The following PCDH15 variants were observed in gnomAD, a reference collection of about 807,000 sequenced individuals.
The protein encoded by PCDH15 is protocadherin-15.
In PCDH15, 129 loss-of-function variants were observed where a neutral mutation model predicts 178.5. That is an observed-to-expected ratio of 0.72 (90% CI 0.63 to 0.84). The LOEUF (loss-of-function observed/expected upper bound fraction) is 0.84. Ranked by LOEUF, PCDH15 falls within the 40% of genes least tolerant of loss-of-function variation. PCDH15 has a pLI of 0.00. For synonymous variants in PCDH15, 800 were observed against 732.0 expected (o/e 1.09, Z -1.50); for missense variants, 2,230 against 2,099.9 (o/e 1.06, Z -1.21).
At chr10:54,496,114 C>G (rs773896785) in intron 3 of PCDH15, among the ~76,000 whole-genome samples, 1 of 152,058 alleles carries the variant, frequency 6.6e-6, no homozygotes, top group Non-Finnish European at 1.5e-5. Context: ...GTTTTTTACC[C>G]AAAACGGTGA....
At chr10:55,485,941 A>G (rs190145836) in intron 2 of PCDH15, among the ~76,000 whole-genome samples, 4 of 151,828 alleles carry the variant, frequency 2.6e-5, no homozygotes, top group Admixed American at 2.6e-4. Context: ...CCAATCCGTA[A>G]TAAAAATCCT....
At chr10:55,412,879 TCACACACACACACACA>T (rs71014485) in intron 2 of PCDH15, among the ~76,000 whole-genome samples, 1,751 of 134,818 alleles carry the variant, frequency 0.013, 46 homozygotes, top group African/African-American at 0.045. Flanking sequence ...TCAACAATAA[TCACACACACACACACA>T]CACACACACA....
chr10:55,062,490 T>C (rs1841457843), intron 2 of PCDH15, among the ~76,000 whole-genome samples: 1 of 152,090 alleles, frequency 6.6e-6, no homozygotes, highest in African/African-American at 2.4e-5. Context: ...AATATGAAAA[T>C]GTTACATGCT....
intron 1 of PCDH15, among the ~76,000 whole-genome samples, chr10:54,731,682 A>G (rs571517272): frequency 1.2e-4 from 18 of 150,382 alleles, no homozygotes; most frequent in African/African-American, 3.9e-4. Flanking sequence ...GGTCATTATA[A>G]GTGAAATTAG....
chr10:55,297,789 AATGAAC>A (rs1458111386), intron 1 of PCDH15, among the ~76,000 whole-genome samples: 1 of 152,104 alleles, frequency 6.6e-6, no homozygotes, highest in Non-Finnish European at 1.5e-5. Context: ...AAGAATGAAA[AATGAAC>A]ACAAATTTAC....
intron 18 of PCDH15, among the ~76,000 whole-genome samples, chr10:54,028,559 C>A (rs2093189954): frequency 6.6e-6 from 1 of 150,886 alleles, no homozygotes; most frequent in African/African-American, 2.4e-5. Context: ...CAATGATAGA[C>A]TGGATTAAGA....
intron 2 of PCDH15, among the ~76,000 whole-genome samples, chr10:55,502,845 T>C (rs1465555735): frequency 1.3e-5 from 2 of 151,708 alleles, no homozygotes; most frequent in Non-Finnish European, 2.9e-5. Context: ...TATTCTTTTT[T>C]TTCGTGTTTT....
chr10:54,240,359 T>C (rs1282548254), intron 8 of PCDH15, among the ~76,000 whole-genome samples: 1 of 151,698 alleles, frequency 6.6e-6, no homozygotes, highest in African/African-American at 2.4e-5. Flanking sequence ...TAGTAAAGTA[T>C]CCAATGCTGA....
intron 2 of PCDH15, among the ~76,000 whole-genome samples, chr10:55,069,169 G>C (rs562267128): frequency 6.6e-6 from 1 of 150,684 alleles, no homozygotes; most frequent in African/African-American, 2.4e-5. Flanking sequence ...GCCTCTCAAA[G>C]TGATTACAAG....
chr10:55,085,904 T>C (rs1425026767), intron 2 of PCDH15, among the ~76,000 whole-genome samples: 1 of 151,742 alleles, frequency 6.6e-6, no homozygotes, highest in Non-Finnish European at 1.5e-5. Flanking sequence ...CACAATAATA[T>C]ATGTTGATGA....
At chr10:54,630,975 G>A (rs2093685721) in intron 2 of PCDH15, among the ~76,000 whole-genome samples, 1 of 152,112 alleles carries the variant, frequency 6.6e-6, no homozygotes, top group African/African-American at 2.4e-5. Context: ...ACACCAATCG[G>A]AATGCTATTA....
At chr10:55,062,523 T>C (rs1841458466) in intron 2 of PCDH15, among the ~76,000 whole-genome samples, 2 of 152,138 alleles carry the variant, frequency 1.3e-5, no homozygotes, top group Non-Finnish European at 2.9e-5. Context: ...CTATATGACA[T>C]GCTGGGAATG....
At chr10:54,796,532 G>T (rs1238723258) in intron 1 of PCDH15, among the ~76,000 whole-genome samples, 1 of 150,980 alleles carries the variant, frequency 6.6e-6, no homozygotes, top group Non-Finnish European at 1.5e-5. Flanking sequence ...GTGTTTTCCC[G>T]GCCTGTCTGT....
intron 2 of PCDH15, among the ~76,000 whole-genome samples, chr10:55,510,422 A>G (rs1840853184): frequency 1.3e-5 from 2 of 152,080 alleles, no homozygotes; most frequent in South Asian, 4.1e-4. Context: ...ACAAAGAATA[A>G]TTTCAGAAAA....
At chr10:55,385,866 C>A (rs922636069) in intron 2 of PCDH15, among the ~76,000 whole-genome samples, 3 of 149,636 alleles carry the variant, frequency 2.0e-5, no homozygotes, top group Non-Finnish European at 3.0e-5. Context: ...TACATATATG[C>A]GCACATGTAT....
intron 7 of PCDH15, among the ~76,000 whole-genome samples, chr10:54,323,765 C>T (rs1342304): frequency 0.25 from 38,311 of 151,834 alleles, 5,271 homozygotes; most frequent in African/African-American, 0.37. Flanking sequence ...CTATGCTGAC[C>T]ACCTGAGTGC....
chr10:55,401,509 C>T (rs1478774687), intron 2 of PCDH15, among the ~76,000 whole-genome samples: 1 of 151,758 alleles, frequency 6.6e-6, no homozygotes, highest in Non-Finnish European at 1.5e-5. Flanking sequence ...TGACAATTAT[C>T]TTCAGCTTAT....
intron 3 of PCDH15, among the ~76,000 whole-genome samples, chr10:54,893,557 G>C (rs796611154): frequency 6.6e-6 from 1 of 151,942 alleles, no homozygotes; most frequent in Non-Finnish European, 1.5e-5. Context: ...TATGTGTTTC[G>C]GGTGTGGGGG....
intron 2 of PCDH15, among the ~76,000 whole-genome samples, chr10:55,392,774 G>C (rs1334826704): frequency 1.3e-5 from 2 of 152,086 alleles, no homozygotes; most frequent in East Asian, 3.9e-4. Context: ...CTGTTTCATA[G>C]TAAAATTTGT....
Sources: allele counts gnomAD v4.1 joint callset (sites outside exome capture counted in the v4.1 genomes callset), GRCh38; gene constraint gnomAD v4.1.1; transcripts MANE v1.5; gene names NCBI Gene and HGNC (gene_info 2026-07-23, HGNC 2026-07-21).